The following UTRN variants were observed in gnomAD, a reference collection of about 807,000 sequenced individuals.
UTRN encodes the protein utrophin, also known as dystrophin-related protein 1.
In UTRN, 283 loss-of-function variants were observed where a neutral mutation model predicts 463.9. The ratio of observed to expected loss-of-function variants is 0.61; its 90% CI spans 0.55 to 0.67. UTRN has a LOEUF of 0.67. Ranked by LOEUF, UTRN falls within the 30% of genes least tolerant of loss-of-function variation. The probability of loss-of-function intolerance (pLI) is 0.00; values close to 1 mark genes in which losing one functional copy is unlikely to be tolerated. For missense variants in UTRN, 3,922 were observed against 4,084.3 expected (o/e 0.96, Z 1.08); for synonymous variants, 1,442 against 1,431.5 (o/e 1.01, Z -0.17).
chr6:144,732,464 C>T (rs1788799911), intron 54 of UTRN, among the ~76,000 whole-genome samples: 1 of 151,686 alleles, frequency 6.6e-6, no homozygotes, highest in African/African-American at 2.4e-5. Context: ...ATTGTTCTGT[C>T]ATCTGTGTGC....
intron 3 of UTRN, among the ~76,000 whole-genome samples, chr6:144,406,276 G>C (rs1783385992): frequency 6.6e-6 from 1 of 151,800 alleles, no homozygotes; most frequent in Non-Finnish European, 1.5e-5. Flanking sequence ...TGAATACATG[G>C]ACCACTGTGA....
Position 144,798,074 on chromosome 6 carries a change from A to C in UTRN, c.9245+84A>C. 3 of 1,574,066 alleles carry C rather than the reference A, an allele frequency of 1.9e-6. No homozygotes were observed. The South Asian group carries it at 3.4e-5, about 18-fold the overall frequency. On this transcript the variant is annotated intron_variant, in intron 64 of 74. Coordinates refer to ENST00000367545, the MANE Select transcript of UTRN (RefSeq NM_007124.3). ...GTACGTCCATCCTCCATTCCCATTC[A>C]TTCCCATTTGGAGGTTTGCTTTCTA...
At chr6:144,751,714 A>G in intron 55 of UTRN, 92 bp from the exon 56 acceptor site, 1 of 1,266,328 alleles carries the variant, frequency 7.9e-7, no homozygotes, top group Non-Finnish European at 1.1e-6. Context: ...ATGTGAACCC[A>G]TGCAGTTCAG....
intron 52 of UTRN, among the ~76,000 whole-genome samples, chr6:144,694,521 G>A (rs1156597015): frequency 6.6e-6 from 1 of 151,994 alleles, no homozygotes; most frequent in Admixed American, 6.5e-5. Flanking sequence ...TCTGGTCCTG[G>A]GCTTTTTTTT....
At chr6:144,343,811 A>G (rs1777335195) in intron 2 of UTRN, among the ~76,000 whole-genome samples, 1 of 152,174 alleles carries the variant, frequency 6.6e-6, no homozygotes, top group Non-Finnish European at 1.5e-5. Flanking sequence ...GGCCAGTTGT[A>G]TACCCAGGGC....
At chr6:144,839,054 G>A in intron 71 of UTRN, 119 bp from the exon 72 acceptor site, 1 of 690,046 alleles carries the variant, frequency 1.4e-6, no homozygotes, top group Non-Finnish European at 2.3e-6. Context: ...ACATCTGAAG[G>A]CAAAGACTTC....
intron 2 of UTRN, among the ~76,000 whole-genome samples, chr6:144,321,140 A>G (rs2114582530): frequency 1.3e-5 from 2 of 152,318 alleles, no homozygotes; most frequent in South Asian, 2.1e-4. Flanking sequence ...TATTGTAGTG[A>G]TAAGAAGAGT....
Position 144,421,939 on chromosome 6 carries a change from A to G in UTRN, c.203A>G (p.Asp68Gly). ...TDLKDGRKLLDLLEGLTGTSL... is the reference protein window; with the variant it reads ...TDLKDGRKLLGLLEGLTGTSL... ...CTCAAAGATGGAAGGAAGCTATTGGATCTTCTAGAAGGCCTCACAGGAACA... is the reference window on the plus strand; with the variant it reads ...CTCAAAGATGGAAGGAAGCTATTGGGTCTTCTAGAAGGCCTCACAGGAACA... Residue 68 changes from aspartate (D) to glycine (G), a missense_variant, in exon 4 of 75, where the codon GAT (aspartate) becomes GGT (glycine). Physicochemically the swap from Asp to Gly is moderately conservative, Grantham distance 94. Transcript: ENST00000367545. 6.2e-7 allele frequency: 1 copy of G among 1,612,998 alleles called. No homozygotes were observed. The highest frequency in any genetic ancestry group is 8.5e-7 in the Non-Finnish European group (1 of 1,179,488).
chr6:144,435,957 A>G lies in UTRN; in HGVS notation c.878A>G (p.His293Arg). 2 of 1,614,104 alleles carry G rather than the reference A, an allele frequency of 1.2e-6. No homozygotes were observed. Among genetic ancestry groups the G allele is most frequent in the Non-Finnish European group, 1.7e-6 (2 of 1,180,046 alleles). ...NIQSTAPEEE[H>R]ESPRAETPST... ...CAGAGTACAGCGCCTGAGGAGGAGCATGAGAGTCCCCGAGCTGAAACTCCC... is the reference window on the plus strand; with the variant it reads ...CAGAGTACAGCGCCTGAGGAGGAGCGTGAGAGTCCCCGAGCTGAAACTCCC... Residue 293 changes from histidine to arginine, a missense_variant, in exon 10 of 75, where the codon CAT (histidine) becomes CGT (arginine). Physicochemically the swap from His to Arg is conservative, Grantham distance 29 (BLOSUM62 0). This residue lies in a region of UTRN where 2,349 missense variants were observed against 2,303.8 expected (regional missense o/e 1.02). Coordinates refer to ENST00000367545, the MANE Select transcript of UTRN (RefSeq NM_007124.3).
chr6:144,824,610 A>ATTTT (rs1779972421), intron 66 of UTRN, among the ~76,000 whole-genome samples: 1 of 43,614 alleles, frequency 2.3e-5, no homozygotes, highest in Non-Finnish European at 3.7e-5. Context: ...ATATATATAT[A>ATTTT]TATCTTTTTT....
At chr6:144,574,457 ACTTT>A (rs995195190) in intron 50 of UTRN, among the ~76,000 whole-genome samples, 1 of 152,066 alleles carries the variant, frequency 6.6e-6, no homozygotes, top group Non-Finnish European at 1.5e-5. Flanking sequence ...CCTGTACCAA[ACTTT>A]CTTTATCCGT....
intron 50 of UTRN, among the ~76,000 whole-genome samples, chr6:144,560,940 G>A (rs191872409): frequency 7.5e-4 from 113 of 151,528 alleles, no homozygotes; most frequent in African/African-American, 2.2e-3. Flanking sequence ...CTTCTGAAAC[G>A]CAACTGAATC....
At chr6:144,429,908 T>A (rs189794365) in intron 9 of UTRN, among the ~76,000 whole-genome samples, 167 bp downstream of exon 9, 1 of 152,310 alleles carries the variant, frequency 6.6e-6, no homozygotes, top group Admixed American at 6.5e-5. Flanking sequence ...CTGTCACATG[T>A]GTGTAATAGA....
At chr6:144,690,929 G>T (rs1458970830) in intron 52 of UTRN, among the ~76,000 whole-genome samples, 1 of 152,154 alleles carries the variant, frequency 6.6e-6, no homozygotes, top group African/African-American at 2.4e-5. Flanking sequence ...CAAAGGGTCT[G>T]TGGTGTCTGT....
intron 66 of UTRN, among the ~76,000 whole-genome samples, chr6:144,824,548 A>G (rs1586727960): frequency 1.0e-5 from 1 of 97,940 alleles, no homozygotes; most frequent in Non-Finnish European, 2.1e-5. Flanking sequence ...ATACATATGT[A>G]TATATATTAA....
intron 51 of UTRN, among the ~76,000 whole-genome samples, chr6:144,670,825 T>C (rs1353214074): frequency 6.6e-6 from 1 of 152,102 alleles, no homozygotes; most frequent in African/African-American, 2.4e-5. Context: ...AGGTGAGAGA[T>C]GAGGATCCAA....
chr6:144,316,071 C>T (rs1775269212), intron 2 of UTRN, among the ~76,000 whole-genome samples: 1 of 152,126 alleles, frequency 6.6e-6, no homozygotes. Context: ...AAAAGTGGGG[C>T]CTGGCACAGT....
intron 9 of UTRN, among the ~76,000 whole-genome samples, chr6:144,432,048 A>G (rs1032548151): frequency 3.3e-5 from 5 of 152,154 alleles, no homozygotes; most frequent in Admixed American, 6.5e-5. Context: ...GGTTTGTTAC[A>G]TATGTATACA....
chr6:144,709,919 C>T (rs748145051), intron 53 of UTRN, among the ~76,000 whole-genome samples: 2 of 152,160 alleles, frequency 1.3e-5, no homozygotes, highest in African/African-American at 4.8e-5. Context: ...CAAAGTTACT[C>T]TTTGATAATA....
Sources: gnomAD v4.1 joint callset for allele counts (sites outside exome capture counted in the v4.1 genomes callset) on GRCh38, gnomAD v4.1.1 for gene constraint, gnomAD v4.1.1 regional missense constraint, MANE v1.5 for transcripts, NCBI Gene and HGNC (gene_info 2026-07-23, HGNC 2026-07-21) for gene names.